Variants in ANKRD28 observed in about 807,000 individuals in gnomAD.
ANKRD28 encodes serine/threonine-protein phosphatase 6 regulatory ankyrin repeat subunit A.
Under a neutral mutation model 126.5 loss-of-function variants are expected in ANKRD28, and 44 were observed. That is an observed-to-expected ratio of 0.35 (90% CI 0.27 to 0.45). The LOEUF is 0.45. Among genes scored for constraint, ANKRD28 ranks in the 20% least tolerant of loss-of-function variants. The probability of loss-of-function intolerance (pLI) is 1.00; values close to 1 mark genes in which losing one functional copy is unlikely to be tolerated. For missense variants in ANKRD28, 1,110 were observed against 1,316.6 expected (o/e 0.84, Z 2.43); for synonymous variants, 442 against 468.5 (o/e 0.94, Z 0.73).
rs1039598695 is a variant in ANKRD28 at position 15,816,090 on chromosome 3, G to C, written c.28-20784C>G. Among the ~76,000 whole-genome samples, 9 of 152,070 alleles carry C rather than the reference G, an allele frequency of 5.9e-5. No individual in the cohort carries two copies. Among genetic ancestry groups the C allele is most frequent in the Admixed American group, 6.5e-5 (1 of 15,268 alleles). ...GCGTATTTCTGACTGATTGAAAACC[G>C]CCTTCTGTTACTATGGCATTTACCA... On this transcript the variant is annotated intron_variant, in intron 1 of 27. Transcript: ENST00000399451. The surrounding 1 kb of genome is among the most constrained non-coding windows in gnomAD (Gnocchi z 5.0).
At chr3:15,841,675 T>C (rs956439598) in intron 1 of ANKRD28, among the ~76,000 whole-genome samples, 2 of 152,130 alleles carry the variant, frequency 1.3e-5, no homozygotes, top group Non-Finnish European at 1.5e-5. Flanking sequence ...AACAGGTACA[T>C]GAAAAGGGTC....
rs2060240824 is a variant in ANKRD28 at position 15,795,578 on chromosome 3, CT to C, written c.118-273del. On this transcript the variant is annotated intron_variant, in intron 1 of 27. Coordinates refer to ENST00000683139, the MANE Select transcript of ANKRD28 (RefSeq NM_001349278.2). Reference sequence around the variant, plus strand: ...GATTTTATTTCTTGTAAGTAGAAGCCTTTTGTTTCTGTATATGACAAAAAGA... The same window carrying C: ...GATTTTATTTCTTGTAAGTAGAAGCCTTTGTTTCTGTATATGACAAAAAGA... Among the ~76,000 whole-genome samples the C allele has an allele frequency of 2.0e-5, 3 of 151,978 alleles. No homozygotes were observed. The South Asian group carries it at 6.2e-4, about 31-fold the overall frequency.
intron 8 of ANKRD28, among the ~76,000 whole-genome samples, chr3:15,715,048 AT>A (rs200467341): frequency 0.012 from 1,814 of 152,274 alleles, 19 homozygotes; most frequent in Middle Eastern, 0.02. Context: ...ATTTAAAAAA[AT>A]AAATACAAAT....
rs117410872 is a variant in ANKRD28 at position 15,785,337 on chromosome 3, C to A, written c.201+9886G>T. Reference sequence around the variant, plus strand: ...ACCTATCAGATAAAGAACTGTTATCCAAAATCTACAAAGAAATCCCAAAAC... The same window carrying A: ...ACCTATCAGATAAAGAACTGTTATCAAAAATCTACAAAGAAATCCCAAAAC... On this transcript the variant is annotated intron_variant, in intron 2 of 27. Coordinates refer to ENST00000683139, the MANE Select transcript of ANKRD28 (RefSeq NM_001349278.2). Among the ~76,000 whole-genome samples the A allele has an allele frequency of 1.6e-3, 236 of 152,090 alleles. 2 individuals carry two copies. The East Asian group carries it at 0.042, about 27-fold the overall frequency.
chr3:15,681,426 C>A (rs879323858), intron 21 of ANKRD28, among the ~76,000 whole-genome samples: 1 of 152,110 alleles, frequency 6.6e-6, no homozygotes, highest in Non-Finnish European at 1.5e-5. Flanking sequence ...ATCCAAATTT[C>A]AAATTTTCTT....
chr3:15,858,509 C>T (rs2061822668), intron 1 of ANKRD28, among the ~76,000 whole-genome samples: 1 of 152,214 alleles, frequency 6.6e-6, no homozygotes, highest in Non-Finnish European at 1.5e-5. Flanking sequence ...AAATAGTTTT[C>T]CAAAACATCC....
intron 2 of ANKRD28, among the ~76,000 whole-genome samples, chr3:15,783,199 T>A (rs777896755): frequency 2.0e-5 from 3 of 151,590 alleles, no homozygotes; most frequent in Non-Finnish European, 4.4e-5. Context: ...CTCTGAAAAC[T>A]CAAGAGTAAG....
In ANKRD28 at chr3:15,845,365, T is replaced by C. The variant is rs186462896; in HGVS notation, c.27+14012A>G. On this transcript the variant is annotated intron_variant, in intron 1 of 27. Coordinates refer to the ANKRD28 transcript ENST00000399451. The surrounding 1 kb of genome is among the most constrained non-coding windows in gnomAD (Gnocchi z 4.9). The stretch of plus-strand genomic sequence containing the variant: ...TTATCCCTCTTGACTAGCTTCTCAA[T>C]TGGGAAATACTCCAACTAGGTTCCC... 5.8e-4 allele frequency among the ~76,000 whole-genome samples: 89 copies of C among 152,262 alleles called. No homozygotes were observed. Among genetic ancestry groups the C allele is most frequent in the Admixed American group, 1.1e-3 (17 of 15,298 alleles).
At chr3:15,776,890 A>G (rs2059291453) in intron 2 of ANKRD28, among the ~76,000 whole-genome samples, 1 of 152,214 alleles carries the variant, frequency 6.6e-6, no homozygotes, top group Admixed American at 6.5e-5. Context: ...CAGAAAACAA[A>G]AGCTCTGAAA....
intron 2 of ANKRD28, among the ~76,000 whole-genome samples, chr3:15,789,813 A>C (rs1339515951): frequency 1.3e-5 from 2 of 152,024 alleles, no homozygotes; most frequent in Non-Finnish European, 2.9e-5. Flanking sequence ...AAAGTTTGTT[A>C]AAAATCTATT....
chr3:15,729,449 G>A (rs114959010), intron 6 of ANKRD28, among the ~76,000 whole-genome samples: 296 of 152,218 alleles, frequency 1.9e-3, no homozygotes, highest in African/African-American at 6.6e-3. Flanking sequence ...GTGATGTTTC[G>A]TAAACGGAAT....
chr3:15,716,612 G>T (rs1239455405), intron 8 of ANKRD28, among the ~76,000 whole-genome samples: 1 of 151,816 alleles, frequency 6.6e-6, no homozygotes, highest in Non-Finnish European at 1.5e-5. Flanking sequence ...CAGACATAAG[G>T]AAAAACATAG....
In ANKRD28 at chr3:15,812,223, G is replaced by A. The variant is rs554269556; in HGVS notation, c.28-16917C>T. On this transcript the variant is annotated intron_variant, in intron 1 of 27. Transcript: ENST00000399451. The surrounding 1 kb of genome is among the most constrained non-coding windows in gnomAD (Gnocchi z 4.1). ...GTTTCTAAGATGATAATCAAAGATG[G>A]CATCATAGAGCTGGGCACAGCGGTG... is the stretch of plus-strand genomic sequence containing the variant. Among the ~76,000 whole-genome samples the A allele has an allele frequency of 2.0e-5, 3 of 152,018 alleles. No homozygotes were observed. Among genetic ancestry groups the A allele is most frequent in the Non-Finnish European group, 2.9e-5 (2 of 67,984 alleles).
chr3:15,772,545 T>C (rs2059069059), intron 2 of ANKRD28, among the ~76,000 whole-genome samples: 2 of 152,178 alleles, frequency 1.3e-5, no homozygotes, highest in Non-Finnish European at 2.9e-5. Flanking sequence ...CAACTGGAGT[T>C]TATTCTGGGA....
intron 11 of ANKRD28, 68 bp from the exon 12 acceptor site, chr3:15,711,342 A>G: frequency 2.2e-6 from 3 of 1,350,550 alleles, no homozygotes; most frequent in Non-Finnish European, 3.2e-6. Context: ...GTGTCATGAA[A>G]CATCAAGAAT....
At chr3:15,763,043 C>A (rs1240306733) in intron 3 of ANKRD28, among the ~76,000 whole-genome samples, 1 of 152,116 alleles carries the variant, frequency 6.6e-6, no homozygotes, top group Non-Finnish European at 1.5e-5. Flanking sequence ...TGGTTTATTT[C>A]TTTATTTTTT....
At chr3:15,704,754 C>T (rs2071122606) in intron 14 of ANKRD28, among the ~76,000 whole-genome samples, 1 of 152,002 alleles carries the variant, frequency 6.6e-6, no homozygotes, top group African/African-American at 2.4e-5. Flanking sequence ...CTGTTTAAGC[C>T]TCCAAAACAA....
rs116340481 is a variant in ANKRD28, at chr3:15,843,910, A to G, written c.27+15467T>C. On this transcript the variant is annotated intron_variant, in intron 1 of 27. Transcript: ENST00000399451. This position sits in a 1 kb window ranked among gnomAD's most constrained non-coding sequence, Gnocchi z 5.2. ...AAAGGAGAAGACTGAAAGCGTGTGT[A>G]CATTAGGAGTTAAGGCTTAAAAAGT... is the stretch of plus-strand genomic sequence containing the variant. Among the ~76,000 whole-genome samples the G allele has an allele frequency of 1.9e-3, 290 of 152,328 alleles. 2 individuals carry two copies. The highest frequency in any genetic ancestry group is 6.8e-3 in the African/African-American group (283 of 41,578).
At chr3:15,721,419 C>T (rs955593808) in intron 7 of ANKRD28, among the ~76,000 whole-genome samples, 1 of 151,998 alleles carries the variant, frequency 6.6e-6, no homozygotes, top group African/African-American at 2.4e-5. Flanking sequence ...GAAACGTAAA[C>T]TAATGTATTT....
Sources: allele counts gnomAD v4.1 joint callset (sites outside exome capture counted in the v4.1 genomes callset), GRCh38; gene constraint gnomAD v4.1.1; non-coding constraint Gnocchi (gnomAD v3.1); transcripts MANE v1.5; gene names NCBI Gene and HGNC (gene_info 2026-07-23, HGNC 2026-07-21).